GLI3: variants seen among roughly 807,000 people sequenced by gnomAD.
GLI3 encodes transcription activator GLI3.
A neutral mutation model predicts 100.8 loss-of-function variants in GLI3; 20 were observed. The observed-to-expected ratio is 0.20, with a 90% confidence interval of 0.14 to 0.29. The LOEUF is 0.29. Among genes scored for constraint, GLI3 ranks in the 10% least tolerant of loss-of-function variants. GLI3 has a pLI of 1.00. For missense variants in GLI3, 2,040 were observed against 2,128.5 expected (o/e 0.96, Z 0.82); for synonymous variants, 938 against 860.5 (o/e 1.09, Z -1.58).
intron 2 of GLI3, among the ~76,000 whole-genome samples, chr7:42,194,869 C>T (rs762570162): frequency 1.0e-4 from 15 of 149,910 alleles, no homozygotes; most frequent in Non-Finnish European, 2.1e-4. Context: ...CAGGTTCAAG[C>T]GATTCTCCTG....
Position 41,967,738 on chromosome 7 carries a change from C to T in GLI3, c.2289G>A (p.Leu763=), listed in dbSNP as rs569287802. 1.9e-6 allele frequency: 3 copies of T among 1,614,168 alleles called. No homozygotes were observed. The South Asian group carries it at 3.3e-5, about 18-fold the overall frequency. The part of the protein sequence containing the change: ...TISTATTALA[L]QARRNPAGTK... ...TCCCTGCCGGGTTTCTCCTGGCTTGCAAAGCAAGGGCTGTGGTTGCAGTGG... is the reference window on the plus strand; with the variant it reads ...TCCCTGCCGGGTTTCTCCTGGCTTGTAAAGCAAGGGCTGTGGTTGCAGTGG... Residue 763 remains leucine (L), a synonymous_variant, in exon 14 of 15, where the codon TTG becomes TTA. Coordinates refer to ENST00000395925, the MANE Select transcript of GLI3 (RefSeq NM_000168.6).
At chr7:42,026,506 A>G in intron 7 of GLI3, 94 bp from the exon 8 acceptor site, 2 of 953,608 alleles carry the variant, frequency 2.1e-6, no homozygotes, top group South Asian at 2.8e-5. Context: ...TAATTTTACC[A>G]TCCCAAATCA....
At chr7:42,058,893 A>T (rs1784514134) in intron 4 of GLI3, among the ~76,000 whole-genome samples, 1 of 152,242 alleles carries the variant, frequency 6.6e-6, no homozygotes, top group African/African-American at 2.4e-5. Flanking sequence ...AATAAATTAA[A>T]ATTTCAAGGT....
At chr7:42,185,756 G>C (rs546813018) in intron 2 of GLI3, among the ~76,000 whole-genome samples, 1 of 152,322 alleles carries the variant, frequency 6.6e-6, no homozygotes, top group South Asian at 2.1e-4. Context: ...AAGGATGAAA[G>C]ATTGTGATCT....
chr7:42,075,577 T>G (rs1784863278), intron 4 of GLI3, among the ~76,000 whole-genome samples: 1 of 152,240 alleles, frequency 6.6e-6, no homozygotes. Flanking sequence ...CTGTAAATAC[T>G]TACTTGTGTT....
chr7:42,056,941 C>T (rs968210728), intron 4 of GLI3, among the ~76,000 whole-genome samples: 14 of 148,184 alleles, frequency 9.4e-5, no homozygotes, highest in Non-Finnish European at 1.8e-4. Flanking sequence ...GAGATCACGC[C>T]ATTGCACTCC....
intron 1 of GLI3, among the ~76,000 whole-genome samples, chr7:42,263,455 T>TTTA (rs1554345721): frequency 5.4e-5 from 5 of 93,320 alleles, no homozygotes; most frequent in Non-Finnish European, 1.2e-4. Context: ...TTATTTATTT[T>TTTA]TTTTTTTTGA....
chr7:42,022,910 C>A (rs1392512154), intron 10 of GLI3, among the ~76,000 whole-genome samples: 1 of 152,168 alleles, frequency 6.6e-6, no homozygotes, highest in East Asian at 1.9e-4. Context: ...ACATCCATCA[C>A]TAAATACATT....
At chr7:42,257,480 G>C (rs974571200) in intron 1 of GLI3, among the ~76,000 whole-genome samples, 1 of 151,838 alleles carries the variant, frequency 6.6e-6, no homozygotes, top group African/African-American at 2.4e-5. Flanking sequence ...GAGTAGCTGG[G>C]ACTACAGGTG....
At chr7:42,238,460 A>C (rs1398748865), upstream of GLI3, among the ~76,000 whole-genome samples, 1 of 151,884 alleles carries the variant, frequency 6.6e-6, no homozygotes, top group Non-Finnish European at 1.5e-5. Flanking sequence ...TTTTCTCTCC[A>C]CCGGACTCGT....
chr7:42,039,280 T>C (rs1583500332), intron 7 of GLI3, among the ~76,000 whole-genome samples: 1 of 152,206 alleles, frequency 6.6e-6, no homozygotes, highest in Admixed American at 6.5e-5. Flanking sequence ...TCAGTCCAAG[T>C]TGATCATTAG....
At position 41,961,393 on chromosome 7, in the gene GLI3, C is replaced by G. The variant is rs1032775712; in HGVS notation, c.*2937G>C. Reference sequence around the variant, plus strand: ...GTGCGCTCTCTGGCTGGTGCACACACAGCCTTGGAGTGCTGATTGGGCAAC... The same window carrying G: ...GTGCGCTCTCTGGCTGGTGCACACAGAGCCTTGGAGTGCTGATTGGGCAAC... On this transcript the variant is annotated 3_prime_UTR_variant, in exon 15 of 15. Coordinates refer to ENST00000395925, the MANE Select transcript of GLI3 (RefSeq NM_000168.6). 3.9e-5 allele frequency: 6 copies of G among 152,606 alleles called. No individual in the cohort carries two copies. In the East Asian group the frequency reaches 1.2e-3, roughly 29 times the overall value. 9.5% of individuals were successfully genotyped at this position (152,606 alleles called of 1,614,324 possible). A position where few individuals can be genotyped will look rare whatever the true frequency, so the allele number is the denominator to read the frequency against.
At chr7:42,254,323 G>A (rs555081755) in intron 1 of GLI3, among the ~76,000 whole-genome samples, 4 of 152,172 alleles carry the variant, frequency 2.6e-5, no homozygotes, top group East Asian at 3.9e-4. Context: ...GCATGTGGGC[G>A]GAATGCAGGT....
chr7:42,230,618 TAAAAG>T (rs1049731515), intron 1 of GLI3, among the ~76,000 whole-genome samples: 2 of 152,202 alleles, frequency 1.3e-5, no homozygotes, highest in Non-Finnish European at 2.9e-5. Context: ...CATTTGTATT[TAAAAG>T]AAAAGATCAT....
chr7:42,257,435 C>T (rs1789096615), intron 1 of GLI3, among the ~76,000 whole-genome samples: 2 of 151,168 alleles, frequency 1.3e-5, no homozygotes, highest in Admixed American at 6.6e-5. Flanking sequence ...AGCTCCGCCT[C>T]CCGGGTTCAT....
intron 1 of GLI3, among the ~76,000 whole-genome samples, chr7:42,255,763 C>G (rs912739829): frequency 6.6e-6 from 1 of 152,080 alleles, no homozygotes; most frequent in Non-Finnish European, 1.5e-5. Flanking sequence ...AATAATGCTT[C>G]GATGGACAGT....
At chr7:42,108,967 G>A (rs1047424559) in intron 3 of GLI3, among the ~76,000 whole-genome samples, 2 of 151,830 alleles carry the variant, frequency 1.3e-5, no homozygotes, top group Admixed American at 6.6e-5. Context: ...GAAGTCTGAC[G>A]CCATCACCCT....
chr7:42,091,090 C>T (rs753897856), intron 3 of GLI3, among the ~76,000 whole-genome samples: 3 of 152,196 alleles, frequency 2.0e-5, no homozygotes, highest in African/African-American at 4.8e-5. Flanking sequence ...TTTAATGTTA[C>T]GCGCAGTAGC....
rs950961644 is a variant in GLI3, at chr7:42,145,170, T to C, written c.367+3056A>G. 2.1e-4 allele frequency: 34 copies of C among 160,976 alleles called. 1 individual carries two copies. Among genetic ancestry groups the C allele is most frequent in the Admixed American group, 1.3e-3 (21 of 15,560 alleles). The allele number at this position is 160,976 out of a possible 1,614,324, so 10.0% of individuals were successfully genotyped here. On this transcript the variant is annotated intron_variant, in intron 3 of 14. Transcript: ENST00000395925. ...CCATGTGAGCAGATAGATTTTATTA[T>C]AAAGTATCTCAAAAAATACTTGTGA...
Sources: gnomAD v4.1 joint callset for allele counts (sites outside exome capture counted in the v4.1 genomes callset) on GRCh38, gnomAD v4.1.1 for gene constraint, MANE v1.5 for transcripts, NCBI Gene and HGNC (gene_info 2026-07-23, HGNC 2026-07-21) for gene names.